SPON1: variants seen among roughly 807,000 people sequenced by gnomAD.
SPON1 encodes spondin-1.
A neutral mutation model predicts 111.7 loss-of-function variants in SPON1; 52 were observed. The ratio of observed to expected loss-of-function variants is 0.47; its 90% CI spans 0.37 to 0.59. The LOEUF (loss-of-function observed/expected upper bound fraction) is 0.59. Ranked by LOEUF, SPON1 falls within the 20% of genes least tolerant of loss-of-function variation. The pLI is 0.00. For missense variants in SPON1, 957 were observed against 1,068.5 expected, an observed-to-expected ratio of 0.90 and a Z score of 1.46; for synonymous variants, 410 against 395.8, an observed-to-expected ratio of 1.04 and a Z score of -0.43.
At chr11:14,208,061 G>C (rs191602047) in intron 6 of SPON1, among the ~76,000 whole-genome samples, 60 of 152,292 alleles carry the variant, frequency 3.9e-4, no homozygotes, top group Admixed American at 1.3e-3. Context: ...CAGGGACATG[G>C]ATGGAGCTGG....
At chr11:14,168,018 T>A (rs530901689) in intron 6 of SPON1, among the ~76,000 whole-genome samples, 24 of 152,296 alleles carry the variant, frequency 1.6e-4, no homozygotes, top group African/African-American at 5.5e-4. Flanking sequence ...CTTCTTATAA[T>A]CTTTTACCAA....
intron 6 of SPON1, among the ~76,000 whole-genome samples, chr11:14,229,938 C>CTGTG (rs1230996439): frequency 2.9e-5 from 4 of 139,354 alleles, no homozygotes; most frequent in African/African-American, 1.1e-4. Context: ...GTCTGTCTGT[C>CTGTG]TGTCTGTGTG....
At chr11:14,174,545 T>G (rs11511855) in intron 6 of SPON1, among the ~76,000 whole-genome samples, 4,910 of 147,846 alleles carry the variant, frequency 0.033, 122 homozygotes, top group Admixed American at 0.049. Flanking sequence ...AACAGAGGGG[T>G]TTTTTTTTTC....
chr11:14,204,308 T>C (rs1482986655), intron 6 of SPON1, among the ~76,000 whole-genome samples: 2 of 152,164 alleles, frequency 1.3e-5, no homozygotes, highest in Non-Finnish European at 2.9e-5. Flanking sequence ...TCTTCTTTTC[T>C]CTTTTTATCT....
intron 6 of SPON1, among the ~76,000 whole-genome samples, chr11:14,213,066 A>T (rs1268393307): frequency 6.6e-6 from 1 of 152,198 alleles, no homozygotes; most frequent in Non-Finnish European, 1.5e-5. Flanking sequence ...CCAGGCCCCC[A>T]GTTGTCCTGT....
intron 6 of SPON1, among the ~76,000 whole-genome samples, chr11:14,242,841 A>G (rs1230485475): frequency 1.3e-5 from 2 of 152,190 alleles, no homozygotes; most frequent in Non-Finnish European, 2.9e-5. Context: ...CTCCTCGTCC[A>G]AGGGAGTCTG....
intron 6 of SPON1, among the ~76,000 whole-genome samples, chr11:14,226,556 C>T (rs1848741734): frequency 1.3e-5 from 2 of 152,164 alleles, no homozygotes; most frequent in Non-Finnish European, 2.9e-5. Flanking sequence ...ATTCGACGTA[C>T]AATTTTTACT....
In SPON1 at chr11:14,171,171, A is replaced by C. The variant is rs570853800; in HGVS notation, c.825+35603A>C. ...CTATTAATTATTGCCTCAATTTCAG[A>C]GCCTGTTATTGGTCTATTCAGGGAT... On this transcript the variant is annotated intron_variant, in intron 6 of 15. Transcript: ENST00000576479. Among the ~76,000 whole-genome samples, 38 of 152,216 alleles carry C rather than the reference A, an allele frequency of 2.5e-4. No homozygotes were observed. In the South Asian group the frequency reaches 7.3e-3, roughly 29 times the overall value.
At chr11:14,146,415 T>A (rs1591388530) in intron 6 of SPON1, among the ~76,000 whole-genome samples, 1 of 151,938 alleles carries the variant, frequency 6.6e-6, no homozygotes, top group Non-Finnish European at 1.5e-5. Context: ...CTCCCAAAGT[T>A]CTGGGATTAC....
In SPON1 at chr11:13,972,129, TC is replaced by T. The variant is rs527240877; in HGVS notation, c.238+8990del. On this transcript the variant is annotated intron_variant, in intron 1 of 15. Coordinates refer to ENST00000576479, the MANE Select transcript of SPON1 (RefSeq NM_006108.4). The stretch of plus-strand genomic sequence containing the variant: ...TTCTTTGTGGGTTGCAGTTGCTTGC[TC>T]CCTTGTACTTTGTGCCCCAGATGTG... Among the ~76,000 whole-genome samples the T allele has an allele frequency of 1.8e-4, 27 of 152,342 alleles. No homozygotes were observed. In the East Asian group the frequency reaches 5.2e-3, roughly 29 times the overall value.
chr11:14,139,441 C>T (rs782056202), intron 6 of SPON1, among the ~76,000 whole-genome samples: 2 of 152,222 alleles, frequency 1.3e-5, no homozygotes, highest in Non-Finnish European at 2.9e-5. Flanking sequence ...GTCTCTCCCT[C>T]ACTAAACAAC....
At chr11:14,210,814 T>C (rs577204861) in intron 6 of SPON1, among the ~76,000 whole-genome samples, 43 of 152,350 alleles carry the variant, frequency 2.8e-4, no homozygotes, top group African/African-American at 9.6e-4. Flanking sequence ...TTCAGTTTTC[T>C]GCATATGGCT....
intron 6 of SPON1, among the ~76,000 whole-genome samples, chr11:14,217,890 T>A (rs1848641849): frequency 6.6e-6 from 1 of 152,228 alleles, no homozygotes; most frequent in Non-Finnish European, 1.5e-5. Flanking sequence ...TGGCAGACAC[T>A]GTCTAGGTCA....
chr11:14,211,244 C>T (rs1220104176), intron 6 of SPON1, among the ~76,000 whole-genome samples: 1 of 152,020 alleles, frequency 6.6e-6, no homozygotes, highest in Non-Finnish European at 1.5e-5. Context: ...TCGTCTCAGC[C>T]CAAAATCTCC....
At chr11:14,076,103 T>C (rs1848915523) in intron 4 of SPON1, among the ~76,000 whole-genome samples, 1 of 152,210 alleles carries the variant, frequency 6.6e-6, no homozygotes, top group Non-Finnish European at 1.5e-5. Context: ...TGACACATAG[T>C]AAATGCTGTC....
chr11:14,010,493 G>A (rs996277379), intron 2 of SPON1, among the ~76,000 whole-genome samples: 24 of 152,116 alleles, frequency 1.6e-4, no homozygotes, highest in Admixed American at 9.8e-4. Flanking sequence ...GGACAGACTG[G>A]GGGTAAAATG....
At chr11:14,220,726 T>A (rs1468019593) in intron 6 of SPON1, among the ~76,000 whole-genome samples, 2 of 152,234 alleles carry the variant, frequency 1.3e-5, no homozygotes, top group Non-Finnish European at 2.9e-5. Context: ...CTGAATTGGA[T>A]TCTTAGGAGA....
chr11:14,075,553 C>A, intron 4 of SPON1, 135 bp downstream of exon 4: 1 of 643,196 alleles, frequency 1.6e-6, no homozygotes, highest in East Asian at 2.8e-5. Context: ...CACGTAGCTC[C>A]GATTTTTAAT....
intron 4 of SPON1, among the ~76,000 whole-genome samples, chr11:14,076,967 G>A (rs1848922801): frequency 6.6e-6 from 1 of 152,202 alleles, no homozygotes; most frequent in South Asian, 2.1e-4. Context: ...TACACAGGGA[G>A]CATCTCCACT....
Sources: gnomAD v4.1 joint callset for allele counts (sites outside exome capture counted in the v4.1 genomes callset) on GRCh38, gnomAD v4.1.1 for gene constraint, MANE v1.5 for transcripts, NCBI Gene and HGNC (gene_info 2026-07-23, HGNC 2026-07-21) for gene names.